PPIL1: variants seen among roughly 807,000 people sequenced by gnomAD.
PPIL1 encodes peptidyl-prolyl cis-trans isomerase-like 1.
A neutral mutation model predicts 19.4 loss-of-function variants in PPIL1; 14 were observed. The ratio of observed to expected loss-of-function variants is 0.72; its 90% CI spans 0.48 to 1.13. PPIL1 has a LOEUF of 1.13. Among genes scored for constraint, PPIL1 ranks in the 50% most tolerant of loss-of-function variants. The pLI, the probability that PPIL1 is intolerant of heterozygous loss-of-function variation, is 0.00. For synonymous variants in PPIL1, 72 were observed against 73.6 expected (o/e 0.98, Z 0.11); for missense variants, 192 against 218.0 (o/e 0.88, Z 0.75).
At chr6:36,861,096 C>A (rs977337516) in intron 2 of PPIL1, among the ~76,000 whole-genome samples, 12 of 152,096 alleles carry the variant, frequency 7.9e-5, no homozygotes, top group African/African-American at 2.7e-4. Flanking sequence ...AGTGCAAGAG[C>A]TCTCGGGGGC....
rs1321974891 is a variant in PPIL1 at position 36,871,871 on chromosome 6, T to A, written c.58A>T (p.Met20Leu). 1.9e-6 allele frequency: 3 copies of A among 1,580,784 alleles called. No individual in the cohort carries two copies. Among genetic ancestry groups the A allele is most frequent in the Non-Finnish European group, 2.6e-6 (3 of 1,168,540 alleles). ...TACAGCTCCAGCACAATGATTCCCA[T>A]GCTGCAGAGGGAGAGGACAACAGCT... is the stretch of plus-strand genomic sequence containing the variant. ...QPPNVYLETSMGIIVLELYWK... is the reference protein window; with the variant it reads ...QPPNVYLETSLGIIVLELYWK... Residue 20 changes from methionine to leucine, a missense_variant and splice_region_variant, in exon 2 of 4, where the codon ATG becomes TTG. Coordinates refer to ENST00000373699, the MANE Select transcript of PPIL1 (RefSeq NM_016059.5).
intron 2 of PPIL1, among the ~76,000 whole-genome samples, chr6:36,868,974 T>C (rs1561848615): frequency 6.6e-6 from 1 of 152,052 alleles, no homozygotes; most frequent in Non-Finnish European, 1.5e-5. Context: ...CTTTTAAATA[T>C]TTTTATTTTA....
intron 2 of PPIL1, among the ~76,000 whole-genome samples, chr6:36,863,108 G>A (rs1051017524): frequency 1.3e-5 from 2 of 152,174 alleles, no homozygotes; most frequent in Non-Finnish European, 2.9e-5. Context: ...GTAACATGAG[G>A]CAAACACACA....
rs1774435917 is a variant in PPIL1, at chr6:36,868,416, A to G, written c.211+3302T>C. 2.0e-5 allele frequency among the ~76,000 whole-genome samples: 3 copies of G among 152,228 alleles called. 1 individual carries two copies. The South Asian group carries it at 6.2e-4, about 31-fold the overall frequency. On this transcript the variant is annotated intron_variant, in intron 2 of 3. Coordinates refer to ENST00000373699, the MANE Select transcript of PPIL1 (RefSeq NM_016059.5). ...GGCAAAGGTGATGAAACAAATAACT[A>G]TATTTCCTGAAATAGAAAATCCAGT...
chr6:36,874,638 C>A (rs1182466664), intron 1 of PPIL1, 79 bp downstream of exon 1: 3 of 1,558,938 alleles, frequency 1.9e-6, no homozygotes, highest in Admixed American at 1.7e-5. Flanking sequence ...CCCGGAGGAA[C>A]GCGCCAGGAA....
rs1353684665 is a variant in PPIL1 at position 36,855,613 on chromosome 6, G to A, written c.*200C>T. 6 of 596,000 alleles carry A rather than the reference G, an allele frequency of 1.0e-5. No individual in the cohort carries two copies. Among genetic ancestry groups the A allele is most frequent in the Admixed American group, 2.9e-5 (1 of 33,904 alleles). The allele number at this position is 596,000 out of a possible 1,614,324, so 36.9% of individuals were successfully genotyped here. Reference sequence around the variant, plus strand: ...CAGGGGCATTTGTGCAAATGCTCTGGCAACCTAGGCACTGGGGGAAGAGAA... The same window carrying A: ...CAGGGGCATTTGTGCAAATGCTCTGACAACCTAGGCACTGGGGGAAGAGAA... On this transcript the variant is annotated 3_prime_UTR_variant, in exon 4 of 4. Coordinates refer to ENST00000373699, the MANE Select transcript of PPIL1 (RefSeq NM_016059.5).
chr6:36,872,201 C>A (rs1466099016), intron 1 of PPIL1, among the ~76,000 whole-genome samples: 1 of 151,166 alleles, frequency 6.6e-6, no homozygotes, highest in Non-Finnish European at 1.5e-5. Flanking sequence ...ATAACCAACC[C>A]CTAAATTAGG....
At chr6:36,856,800 T>G (rs1774176669) in intron 2 of PPIL1, 146 bp from the exon 3 acceptor site, 4 of 644,478 alleles carry the variant, frequency 6.2e-6, no homozygotes. Context: ...ATATTGCAAC[T>G]ACAGAATCTA....
rs55719434 is a variant in PPIL1, at chr6:36,858,231, CAAAAAAAAA to C, written c.212-1586_212-1578del. On this transcript the variant is annotated intron_variant, in intron 2 of 3. Transcript: ENST00000373699. ...CCTGGGCGACAGAGCAAGACTGTCT[CAAAAAAAAA>C]AAAAAAAAAAAAAAAAGATGTAAGT... is the stretch of plus-strand genomic sequence containing the variant. Among the ~76,000 whole-genome samples the C allele has an allele frequency of 2.1e-3, 143 of 68,182 alleles. 4 individuals are homozygous for C. Among genetic ancestry groups the C allele is most frequent in the East Asian group, 5.4e-4 (1 of 1,862 alleles). The allele number at this position is 68,182 out of a possible 152,430, so 44.7% of individuals were successfully genotyped here.
chr6:36,864,502 G>A (rs1774356662), intron 2 of PPIL1, among the ~76,000 whole-genome samples: 1 of 152,054 alleles, frequency 6.6e-6, no homozygotes, highest in South Asian at 2.1e-4. Context: ...TCAGAACTAT[G>A]GTCAAATGCT....
chr6:36,866,172 A>C (rs183188695), intron 2 of PPIL1, among the ~76,000 whole-genome samples: 1 of 152,246 alleles, frequency 6.6e-6, no homozygotes, highest in Non-Finnish European at 1.5e-5. Context: ...AAGAGCCTCT[A>C]TAGTTATTAT....
intron 2 of PPIL1, among the ~76,000 whole-genome samples, chr6:36,865,403 A>G (rs892228540): frequency 1.3e-5 from 2 of 152,174 alleles, no homozygotes; most frequent in African/African-American, 2.4e-5. Context: ...CGAGATCTGT[A>G]AATTTTACAG....
Position 36,854,935 on chromosome 6 carries a change from T to C in PPIL1, c.*878A>G, listed in dbSNP as rs1320651595. The stretch of plus-strand genomic sequence containing the variant: ...CACAAAATCCAGAAAGTTATTTTTA[T>C]ACATAAACAACTGAACATATAAAAA... On this transcript the variant is annotated 3_prime_UTR_variant, in exon 4 of 4. Coordinates refer to ENST00000373699, the MANE Select transcript of PPIL1 (RefSeq NM_016059.5). The C allele has an allele frequency of 2.0e-5, 3 of 152,672 alleles. No homozygotes were observed. The highest frequency in any genetic ancestry group is 4.8e-5 in the African/African-American group (2 of 41,466). The allele number at this position is 152,672 out of a possible 1,614,324, so 9.5% of individuals were successfully genotyped here.
chr6:36,869,046 C>CACA (rs1288814339), intron 2 of PPIL1, among the ~76,000 whole-genome samples: 2 of 151,756 alleles, frequency 1.3e-5, no homozygotes, highest in African/African-American at 2.4e-5. Flanking sequence ...GTGCAGTGGG[C>CACA]ACAATCATGG....
At chr6:36,863,494 C>T (rs80109713) in intron 2 of PPIL1, among the ~76,000 whole-genome samples, 1,684 of 152,270 alleles carry the variant, frequency 0.011, 36 homozygotes, top group African/African-American at 0.038. Context: ...ACAACCTCCC[C>T]CTCTAGTAGA....
In PPIL1 at chr6:36,859,811, T is replaced by TTGTGTGTGTGTGTGTGTGTG. The variant is rs71880744; in HGVS notation, c.212-3177_212-3158dup. 3.7e-3 allele frequency among the ~76,000 whole-genome samples: 540 copies of TTGTGTGTGTGTGTGTGTGTG among 144,976 alleles called. 6 individuals are homozygous for TTGTGTGTGTGTGTGTGTGTG. The highest frequency in any genetic ancestry group is 0.016 in the East Asian group (75 of 4,836). On this transcript the variant is annotated intron_variant, in intron 2 of 3. Transcript: ENST00000373699. ...TGAAGATAGGCAGACCTGTTTTCTA[T>TTGTGTGTGTGTGTGTGTGTG]TGTGTGTGTGTGTGTGTGTGTGTGT...
Position 36,855,939 on chromosome 6 carries a change from T to G in PPIL1, c.375A>C (p.Lys125Asn), listed in dbSNP as rs1774157615. 1.2e-6 allele frequency: 2 copies of G among 1,614,206 alleles called. No homozygotes were observed. Among genetic ancestry groups the G allele is most frequent in the Non-Finnish European group, 1.7e-6 (2 of 1,180,036 alleles). The change falls in exon 4 of 4, where the codon AAA becomes AAC. Residue 125 changes from lysine (K) to asparagine (N), a missense_variant. Lys to Asn is a moderately conservative substitution (Grantham distance 94). Coordinates refer to ENST00000373699, the MANE Select transcript of PPIL1 (RefSeq NM_016059.5). ...TLAPTQWLDG[K>N]HTIFGRVCQG... ...GACACACTCGGCCAAAAATGGTGTG[T>G]TTGCCGTCAAGCCACTGGGTGGGGG...
intron 3 of PPIL1, 37 bp downstream of exon 3, chr6:36,856,549 C>T (rs1382459728): frequency 6.3e-7 from 1 of 1,578,990 alleles, no homozygotes; most frequent in Non-Finnish European, 8.7e-7. Context: ...TTTTAAAATC[C>T]CCGTTCCTAC....
At chr6:36,871,656 GA>G (rs35153561) in intron 2 of PPIL1, 61 bp downstream of exon 2, 3 of 1,531,920 alleles carry the variant, frequency 2.0e-6, no homozygotes, top group East Asian at 2.4e-5. Flanking sequence ...GCTGGCTTTA[GA>G]AAAAAAGACG....
Sources: allele counts gnomAD v4.1 joint callset (sites outside exome capture counted in the v4.1 genomes callset), GRCh38; gene constraint gnomAD v4.1.1; transcripts MANE v1.5; gene names NCBI Gene and HGNC (gene_info 2026-07-23, HGNC 2026-07-21).